Variants in ARHGAP32 observed in about 807,000 individuals in gnomAD.
ARHGAP32 encodes Rho GTPase activating protein 32, also known as rho GTPase-activating protein 32.
Under a neutral mutation model 186.5 loss-of-function variants are expected in ARHGAP32, and 51 were observed. The observed-to-expected ratio is 0.27, with a 90% CI of 0.22 to 0.35. The LOEUF (loss-of-function observed/expected upper bound fraction) is 0.35. Among genes scored for constraint, ARHGAP32 ranks in the 10% least tolerant of loss-of-function variants. The pLI, the probability that ARHGAP32 is intolerant of heterozygous loss-of-function variation, is 1.00. For synonymous variants in ARHGAP32, 950 were observed against 964.3 expected (o/e 0.99, Z 0.27); for missense variants, 2,186 against 2,623.5 (o/e 0.83, Z 3.64).
chr11:129,193,143 A>C (rs1329483984), upstream of ARHGAP32, among the ~76,000 whole-genome samples: 1 of 151,906 alleles, frequency 6.6e-6, no homozygotes, highest in Non-Finnish European at 1.5e-5. Context: ...AAAATTAAGA[A>C]GACATCTACT....
At chr11:129,166,908 T>C (rs1943652524) in intron 1 of ARHGAP32, among the ~76,000 whole-genome samples, 1 of 152,058 alleles carries the variant, frequency 6.6e-6, no homozygotes, top group Admixed American at 6.5e-5. Context: ...GGATAAGAAA[T>C]GTACATTCAG....
chr11:129,113,509 AAT>A (rs1469501940), intron 5 of ARHGAP32, among the ~76,000 whole-genome samples: 6 of 152,102 alleles, frequency 3.9e-5, no homozygotes, highest in Admixed American at 3.9e-4. Context: ...TAAGCTATAA[AAT>A]AGACTAGTAT....
At chr11:129,139,030 A>C (rs1301840475) in intron 2 of ARHGAP32, among the ~76,000 whole-genome samples, 1 of 152,202 alleles carries the variant, frequency 6.6e-6, no homozygotes, top group Non-Finnish European at 1.5e-5. Context: ...AAAAATTAGA[A>C]CAATGAGAAA....
At chr11:129,165,465 T>C (rs1943616732) in intron 1 of ARHGAP32, among the ~76,000 whole-genome samples, 1 of 150,498 alleles carries the variant, frequency 6.6e-6, no homozygotes, top group African/African-American at 2.4e-5. Flanking sequence ...AACCAAGCCT[T>C]GACAGAATCA....
At chr11:129,028,166 C>G (rs561315150) in intron 11 of ARHGAP32, among the ~76,000 whole-genome samples, 12 of 152,130 alleles carry the variant, frequency 7.9e-5, no homozygotes, top group African/African-American at 2.9e-4. Context: ...AACAAAACCA[C>G]GCAGGTGGGG....
In ARHGAP32 at chr11:128,970,566, G is replaced by A; in HGVS notation, c.4647C>T (p.Asn1549=). ...CGTTTCTTCCTGGGGCCACATATGTGTTATAACGAAGACCCATGGAGGCTG... is the reference window on the plus strand; with the variant it reads ...CGTTTCTTCCTGGGGCCACATATGTATTATAACGAAGACCCATGGAGGCTG... The part of the protein sequence containing the change: ...EPPASMGLRY[N]TYVAPGRNAS... The change falls in exon 23 of 23, where the codon AAC becomes AAT. Residue 1549 remains asparagine, a synonymous_variant. Coordinates refer to ENST00000682385, the MANE Select transcript of ARHGAP32 (RefSeq NM_001378024.1). This position sits in a 1 kb window ranked among gnomAD's most constrained non-coding sequence, Gnocchi z 5.8. 6.2e-7 allele frequency: 1 copy of A among 1,614,190 alleles called. No individual in the cohort carries two copies.
At chr11:129,200,508 T>A (rs1162133480) in intron 1 of ARHGAP32, among the ~76,000 whole-genome samples, 1 of 152,204 alleles carries the variant, frequency 6.6e-6, no homozygotes, top group Non-Finnish European at 1.5e-5. Context: ...TTCTCTTGTC[T>A]GCTCCCACAT....
At chr11:129,252,421 G>C (rs1945197732) in intron 1 of ARHGAP32, among the ~76,000 whole-genome samples, 1 of 152,200 alleles carries the variant, frequency 6.6e-6, no homozygotes, top group Non-Finnish European at 1.5e-5. Flanking sequence ...CGGTCCTTGA[G>C]AGCGGATTCC....
intron 1 of ARHGAP32, among the ~76,000 whole-genome samples, chr11:129,166,836 C>T (rs143832018): frequency 2.4e-4 from 36 of 152,030 alleles, no homozygotes; most frequent in African/African-American, 8.4e-4. Flanking sequence ...TAAGTAAATA[C>T]TGTATAAACA....
At chr11:129,165,054 T>C (rs921468553) in intron 1 of ARHGAP32, among the ~76,000 whole-genome samples, 1 of 151,998 alleles carries the variant, frequency 6.6e-6, no homozygotes, top group Non-Finnish European at 1.5e-5. Context: ...TCATGGGAAA[T>C]AGAGCCCAAG....
chr11:129,093,934 C>G (rs926633773), intron 5 of ARHGAP32, among the ~76,000 whole-genome samples: 6 of 152,088 alleles, frequency 3.9e-5, no homozygotes, highest in African/African-American at 1.4e-4. Flanking sequence ...AGGGTCTTCA[C>G]TTCCTTAATC....
intron 11 of ARHGAP32, among the ~76,000 whole-genome samples, chr11:129,005,029 T>G (rs1937686744): frequency 6.6e-6 from 1 of 152,138 alleles, no homozygotes; most frequent in African/African-American, 2.4e-5. Flanking sequence ...CTACTTTTTG[T>G]GTATGCATTG....
intron 11 of ARHGAP32, among the ~76,000 whole-genome samples, chr11:129,029,614 T>G (rs924698033): frequency 1.1e-4 from 17 of 151,932 alleles, no homozygotes; most frequent in African/African-American, 3.9e-4. Context: ...CCATCCTGGC[T>G]AACACGGTGA....
chr11:129,152,948 C>T (rs1005986297), intron 2 of ARHGAP32, among the ~76,000 whole-genome samples: 1 of 152,080 alleles, frequency 6.6e-6, no homozygotes, highest in South Asian at 2.1e-4. Context: ...GTCAAACTGT[C>T]GCTGTTTGCT....
chr11:128,986,484 G>T, intron 14 of ARHGAP32, 40 bp downstream of exon 14: 1 of 1,606,484 alleles, frequency 6.2e-7, no homozygotes, highest in Non-Finnish European at 8.5e-7. Context: ...GCACAGCAAA[G>T]TTCCACAAAG....
chr11:129,086,775 T>C (rs1320459536), intron 6 of ARHGAP32, among the ~76,000 whole-genome samples: 21 of 145,942 alleles, frequency 1.4e-4, no homozygotes, highest in Middle Eastern at 7.1e-3. Context: ...GAGCCGAGAT[T>C]GCGCCACTGC....
Position 128,986,521 on chromosome 11 carries a change from C to A in ARHGAP32, c.1443+3G>T. On this transcript the variant is annotated splice_donor_region_variant and intron_variant, in intron 14 of 22. Transcript: ENST00000682385. ...ATTAGATTCAAAAGTAGCCTGTACT[C>A]ACAGAAAATTTCTCATACAGCTGGT... 1 of 1,613,962 alleles carries A rather than the reference C, an allele frequency of 6.2e-7. No individual in the cohort carries two copies. The highest frequency in any genetic ancestry group is 8.5e-7 in the Non-Finnish European group (1 of 1,179,924).
chr11:129,274,279 G>A (rs1040485456), intron 1 of ARHGAP32, among the ~76,000 whole-genome samples: 5 of 152,138 alleles, frequency 3.3e-5, no homozygotes, highest in Admixed American at 6.5e-5. Flanking sequence ...GATAGGAAAC[G>A]TCTGGTTTGG....
chr11:129,170,227 G>A (rs1186540531), intron 1 of ARHGAP32, among the ~76,000 whole-genome samples: 7 of 145,592 alleles, frequency 4.8e-5, no homozygotes, highest in South Asian at 2.2e-4. Flanking sequence ...AAAAAAAAAC[G>A]GGATACATAT....
Sources: allele counts gnomAD v4.1 joint callset (sites outside exome capture counted in the v4.1 genomes callset), GRCh38; gene constraint gnomAD v4.1.1; non-coding constraint Gnocchi (gnomAD v3.1); transcripts MANE v1.5; gene names NCBI Gene and HGNC (gene_info 2026-07-23, HGNC 2026-07-21).